The following OSBPL9 variants were observed in gnomAD, a reference collection of about 807,000 sequenced individuals.
OSBPL9 encodes oxysterol binding protein like 9.
OSBPL9 carries 40 observed loss-of-function variants against 106.6 expected under a neutral mutation model. The ratio of observed to expected loss-of-function variants is 0.38; its 90% confidence interval spans 0.29 to 0.49. The LOEUF is 0.49. Among genes scored for constraint, OSBPL9 ranks in the 20% least tolerant of loss-of-function variants. The pLI, the probability that OSBPL9 is intolerant of heterozygous loss-of-function variation, is 0.97. For synonymous variants in OSBPL9, 269 were observed against 295.4 expected (o/e 0.91, Z 0.92); for missense variants, 609 against 887.2 (o/e 0.69, Z 3.98).
chr1:51,656,906 G>A (rs1257483444), intron 2 of OSBPL9, among the ~76,000 whole-genome samples: 1 of 151,444 alleles, frequency 6.6e-6, no homozygotes, highest in Non-Finnish European at 1.5e-5. Context: ...CCTAACTCCC[G>A]ACCTCAGGCA....
intron 2 of OSBPL9, among the ~76,000 whole-genome samples, chr1:51,601,742 C>T (rs185043412): frequency 6.6e-6 from 1 of 152,230 alleles, no homozygotes; most frequent in Admixed American, 6.5e-5. Flanking sequence ...TCTTACCTTC[C>T]TAGGAAGAAG....
At chr1:51,583,935 AC>A (rs1244454120) in intron 1 of OSBPL9, among the ~76,000 whole-genome samples, 2 of 151,938 alleles carry the variant, frequency 1.3e-5, no homozygotes, top group African/African-American at 4.8e-5. Flanking sequence ...CTGATTTTGG[AC>A]TTTTTCAACA....
intron 14 of OSBPL9, among the ~76,000 whole-genome samples, chr1:51,773,907 T>A (rs1674477071): frequency 6.6e-6 from 1 of 151,926 alleles, no homozygotes; most frequent in Non-Finnish European, 1.5e-5. Flanking sequence ...TCCCCGGAAT[T>A]GCTTCAGTAA....
At chr1:51,716,545 G>A (rs1473439614) in intron 4 of OSBPL9, among the ~76,000 whole-genome samples, 1 of 152,226 alleles carries the variant, frequency 6.6e-6, no homozygotes, top group East Asian at 1.9e-4. Flanking sequence ...CTTGGTAAAT[G>A]TTAGTTGCCA....
chr1:51,761,551 T>A (rs1671507757), intron 10 of OSBPL9, among the ~76,000 whole-genome samples: 1 of 152,170 alleles, frequency 6.6e-6, no homozygotes, highest in Admixed American at 6.5e-5. Flanking sequence ...CACTTCAGAT[T>A]TTTTGTGGTT....
At chr1:51,777,120 T>C (rs538256063) in intron 15 of OSBPL9, among the ~76,000 whole-genome samples, 4 of 152,342 alleles carry the variant, frequency 2.6e-5, no homozygotes, top group South Asian at 4.1e-4. Context: ...AGTTTAACAC[T>C]TTAAAAAATT....
rs545939462 is a variant in OSBPL9, at chr1:51,595,164, C to T, written c.-422-2960C>T. Among the ~76,000 whole-genome samples the T allele has an allele frequency of 1.9e-3, 287 of 152,206 alleles. 1 individual carries two copies. Among genetic ancestry groups the T allele is most frequent in the African/African-American group, 6.1e-3 (255 of 41,502 alleles). The stretch of plus-strand genomic sequence containing the variant: ...CCCAGGGCACCACCGCTGAGAGCGC[C>T]GGAGGACTGAGGAGCTAATGGGGGC... On this transcript the variant is annotated intron_variant, in intron 1 of 25. Transcript: ENST00000371714.
chr1:51,781,057 T>TC (rs1676264095), intron 15 of OSBPL9, 107 bp from the exon 16 acceptor site: 16 of 921,890 alleles, frequency 1.7e-5, no homozygotes, highest in Admixed American at 1.2e-4. Flanking sequence ...TGGTCCTAGG[T>TC]CCTCAGTCCT....
At chr1:51,731,015 A>C (rs112941472) in intron 4 of OSBPL9, among the ~76,000 whole-genome samples, 1 of 151,742 alleles carries the variant, frequency 6.6e-6, no homozygotes, top group Non-Finnish European at 1.5e-5. Flanking sequence ...AGCACCTGTC[A>C]TTTATTTATA....
chr1:51,525,752 A>C, the OSBPL9 span, among the ~76,000 whole-genome samples: 1 of 152,330 alleles, frequency 6.6e-6, no homozygotes, highest in Non-Finnish European at 1.5e-5. Flanking sequence ...CATTCTCCAT[A>C]TCATAAACTG....
the OSBPL9 span, among the ~76,000 whole-genome samples, chr1:51,552,129 A>T: frequency 6.6e-6 from 1 of 152,122 alleles, no homozygotes; most frequent in Non-Finnish European, 1.5e-5. Flanking sequence ...GCAAATTATG[A>T]GGTTTGTTAC....
intron 11 of OSBPL9, 56 bp downstream of exon 11, chr1:51,762,027 G>A (rs1671630752): frequency 7.9e-7 from 1 of 1,267,768 alleles, no homozygotes; most frequent in Non-Finnish European, 1.2e-6. Flanking sequence ...TTTGAGGTTT[G>A]TTTGTGACCT....
intron 3 of OSBPL9, among the ~76,000 whole-genome samples, chr1:51,699,689 G>A (rs1348744056): frequency 6.6e-6 from 1 of 152,060 alleles, no homozygotes; most frequent in Non-Finnish European, 1.5e-5. Flanking sequence ...CATTTTTCCA[G>A]GGAGTGCTGA....
intron 4 of OSBPL9, among the ~76,000 whole-genome samples, chr1:51,720,311 T>C (rs192562034): frequency 7.4e-4 from 112 of 152,092 alleles, no homozygotes; most frequent in Non-Finnish European, 1.2e-3. Context: ...TATAGACCTT[T>C]ATGTTTCTTT....
At chr1:51,712,685 T>A (rs2148890523) in intron 3 of OSBPL9, among the ~76,000 whole-genome samples, 1 of 152,328 alleles carries the variant, frequency 6.6e-6, no homozygotes, top group South Asian at 2.1e-4. Context: ...ATTTATGCAA[T>A]AATCTGGAGC....
chr1:51,618,948 G>A (rs114110064), intron 1 of OSBPL9, among the ~76,000 whole-genome samples: 1,717 of 152,262 alleles, frequency 0.011, 31 homozygotes, highest in African/African-American at 0.039. Context: ...AAGAGTAAAA[G>A]TATTACTTTC....
At chr1:51,628,786 C>A (rs1644931498) in intron 1 of OSBPL9, among the ~76,000 whole-genome samples, 1 of 149,450 alleles carries the variant, frequency 6.7e-6, no homozygotes, top group Non-Finnish European at 1.5e-5. Context: ...TGGGTTCCAG[C>A]AATTCTCCTG....
chr1:51,767,188 G>A (rs1274764436), intron 12 of OSBPL9, among the ~76,000 whole-genome samples: 2 of 152,030 alleles, frequency 1.3e-5, no homozygotes, highest in African/African-American at 4.8e-5. Context: ...GAGCCCAGGA[G>A]TTTGAGACCA....
At chr1:51,782,765 C>G in intron 17 of OSBPL9, 122 bp downstream of exon 17, 4 of 763,760 alleles carry the variant, frequency 5.2e-6, no homozygotes. Context: ...TTTCTTATTC[C>G]CTGAAGTGGA....
Sources: allele counts gnomAD v4.1 joint callset (sites outside exome capture counted in the v4.1 genomes callset), GRCh38; gene constraint gnomAD v4.1.1; transcripts MANE v1.5; gene names NCBI Gene and HGNC (gene_info 2026-07-23, HGNC 2026-07-21).